The following GSK3B variants were observed in gnomAD, a reference collection of about 807,000 sequenced individuals.
GSK3B encodes glycogen synthase kinase-3 beta.
A neutral mutation model predicts 56.4 loss-of-function variants in GSK3B; 15 were observed. The ratio of observed to expected loss-of-function variants is 0.27; its 90% CI spans 0.18 to 0.41. GSK3B has a LOEUF of 0.41. Ranked by LOEUF, GSK3B falls within the 10% of genes least tolerant of loss-of-function variation. GSK3B has a pLI of 1.00. For missense variants in GSK3B, 300 were observed against 513.4 expected (o/e 0.58, Z 4.02); for synonymous variants, 181 against 188.9 (o/e 0.96, Z 0.34).
intron 2 of GSK3B, among the ~76,000 whole-genome samples, chr3:119,957,578 A>G (rs1363795180): frequency 6.6e-6 from 1 of 152,194 alleles, no homozygotes; most frequent in East Asian, 1.9e-4. Context: ...ACAACAGCAT[A>G]TTATTATTAA....
intron 4 of GSK3B, among the ~76,000 whole-genome samples, chr3:119,919,330 C>A (rs2056813059): frequency 6.6e-6 from 1 of 152,116 alleles, no homozygotes; most frequent in African/African-American, 2.4e-5. Flanking sequence ...ATCGCTCTCA[C>A]AATCTAACAT....
chr3:119,831,865 A>C (rs1254509087), intron 10 of GSK3B, among the ~76,000 whole-genome samples: 1 of 152,140 alleles, frequency 6.6e-6, no homozygotes, highest in Non-Finnish European at 1.5e-5. Context: ...ACAAGTAAAC[A>C]AAAAAATGCC....
intron 7 of GSK3B, among the ~76,000 whole-genome samples, chr3:119,889,496 A>G (rs954246668): frequency 2.6e-5 from 4 of 152,080 alleles, no homozygotes; most frequent in Middle Eastern, 3.2e-3. Flanking sequence ...TTGAAGACTG[A>G]CTGTAATATA....
chr3:119,923,157 C>A (rs1012343167), intron 4 of GSK3B, among the ~76,000 whole-genome samples: 1 of 152,096 alleles, frequency 6.6e-6, no homozygotes, highest in African/African-American at 2.4e-5. Context: ...CTGTAATTTA[C>A]CAGAATATCT....
chr3:119,872,843 T>G (rs900826115), intron 8 of GSK3B, among the ~76,000 whole-genome samples: 2 of 152,168 alleles, frequency 1.3e-5, no homozygotes, highest in African/African-American at 2.4e-5. Context: ...GAGCAGTGTT[T>G]AAACTAGATT....
At chr3:119,853,336 T>TA (rs1362327531) in intron 9 of GSK3B, among the ~76,000 whole-genome samples, 1 of 152,256 alleles carries the variant, frequency 6.6e-6, no homozygotes, top group Non-Finnish European at 1.5e-5. Context: ...CCTTGTAGTA[T>TA]AGTTCGAAGT....
At chr3:120,063,267 C>A (rs2058252246) in intron 1 of GSK3B, among the ~76,000 whole-genome samples, 1 of 152,124 alleles carries the variant, frequency 6.6e-6, no homozygotes, top group Admixed American at 6.5e-5. Flanking sequence ...TTATTATGTG[C>A]ACTTCTATAC....
chr3:120,003,860 A>G (rs1353957258), intron 1 of GSK3B, among the ~76,000 whole-genome samples: 1 of 152,210 alleles, frequency 6.6e-6, no homozygotes, highest in Non-Finnish European at 1.5e-5. Flanking sequence ...CTGCATTTCC[A>G]ACTTAGGTAC....
chr3:119,920,528 C>G (rs2056829490), intron 4 of GSK3B, among the ~76,000 whole-genome samples: 1 of 152,148 alleles, frequency 6.6e-6, no homozygotes, highest in Admixed American at 6.5e-5. Flanking sequence ...CAGGCATGAG[C>G]CAATGTGCCT....
chr3:119,915,058 T>C (rs570828184), intron 5 of GSK3B, among the ~76,000 whole-genome samples: 127 of 152,128 alleles, frequency 8.3e-4, no homozygotes, highest in Non-Finnish European at 1.5e-3. Flanking sequence ...CTGAGTTACA[T>C]GGGAATGTAG....
intron 10 of GSK3B, among the ~76,000 whole-genome samples, chr3:119,834,141 G>A (rs940687203): frequency 5.3e-5 from 8 of 152,028 alleles, no homozygotes; most frequent in South Asian, 2.1e-4. Flanking sequence ...AATCTCTCTA[G>A]AAGATAAAAT....
chr3:119,902,950 A>G (rs937150086), intron 7 of GSK3B, among the ~76,000 whole-genome samples: 1 of 152,024 alleles, frequency 6.6e-6, no homozygotes, highest in Non-Finnish European at 1.5e-5. Context: ...CCTGGGCTCA[A>G]GCAATCCACC....
intron 2 of GSK3B, among the ~76,000 whole-genome samples, chr3:119,991,833 C>T (rs1479676537): frequency 6.6e-6 from 1 of 151,986 alleles, no homozygotes; most frequent in Non-Finnish European, 1.5e-5. Flanking sequence ...TGGTATAAAG[C>T]AGTCCATCAC....
At chr3:120,024,351 TC>T (rs1416722415) in intron 1 of GSK3B, among the ~76,000 whole-genome samples, 1 of 151,876 alleles carries the variant, frequency 6.6e-6, no homozygotes, top group African/African-American at 2.4e-5. Flanking sequence ...AGACCCTGTC[TC>T]AAAAAAAACA....
At chr3:119,999,829 G>A (rs758897870) in intron 2 of GSK3B, among the ~76,000 whole-genome samples, 1 of 152,154 alleles carries the variant, frequency 6.6e-6, no homozygotes, top group Admixed American at 6.6e-5. Context: ...ATTTCAAGGA[G>A]AGTAACATAA....
chr3:119,988,747 C>T (rs1228002140), intron 2 of GSK3B, among the ~76,000 whole-genome samples: 7 of 152,192 alleles, frequency 4.6e-5, no homozygotes, highest in Non-Finnish European at 7.4e-5. Context: ...TTGGCTAAAA[C>T]GGTTTTCTCT....
At chr3:120,043,137 G>A (rs528657195) in intron 1 of GSK3B, among the ~76,000 whole-genome samples, 1 of 152,112 alleles carries the variant, frequency 6.6e-6, no homozygotes, top group Non-Finnish European at 1.5e-5. Context: ...CCTCATCAAG[G>A]AGGAAAAACT....
At chr3:120,011,748 A>AT (rs1372409422) in intron 1 of GSK3B, among the ~76,000 whole-genome samples, 4 of 152,150 alleles carry the variant, frequency 2.6e-5, no homozygotes, top group Non-Finnish European at 4.4e-5. Context: ...GGAAAAGCGC[A>AT]TTACCATTTG....
At chr3:119,959,100 C>G (rs764837802) in intron 2 of GSK3B, among the ~76,000 whole-genome samples, 7 of 152,160 alleles carry the variant, frequency 4.6e-5, no homozygotes, top group Admixed American at 1.3e-4. Context: ...ACTAAATTAT[C>G]TTGCTTTTTA....
Sources: allele counts gnomAD v4.1 joint callset (sites outside exome capture counted in the v4.1 genomes callset), GRCh38; gene constraint gnomAD v4.1.1; transcripts MANE v1.5; gene names NCBI Gene and HGNC (gene_info 2026-07-23, HGNC 2026-07-21).